The following TBCEL variants were observed in gnomAD, a reference collection of about 807,000 sequenced individuals.
The protein encoded by TBCEL is tubulin folding cofactor E like.
A neutral mutation model predicts 44.2 loss-of-function variants in TBCEL; 15 were observed. The observed-to-expected ratio is 0.34, with a 90% CI of 0.23 to 0.52. The LOEUF (loss-of-function observed/expected upper bound fraction) is 0.52, where lower values mean the gene tolerates loss of function less well. TBCEL is among the 20% of genes least tolerant of loss of function. The pLI is 0.95. For missense variants in TBCEL, 319 were observed against 506.3 expected, an observed-to-expected ratio of 0.63 and a Z score of 3.55; for synonymous variants, 171 against 185.4, an observed-to-expected ratio of 0.92 and a Z score of 0.63.
chr11:121,083,370 C>T (rs569244624), intron 8 of TBCEL, among the ~76,000 whole-genome samples: 1 of 152,164 alleles, frequency 6.6e-6, no homozygotes, highest in South Asian at 2.1e-4. Context: ...AATGACTGTT[C>T]ACTTTCTGGC....
intron 8 of TBCEL, among the ~76,000 whole-genome samples, chr11:121,073,999 G>C (rs1411682219): frequency 6.6e-6 from 1 of 151,792 alleles, no homozygotes; most frequent in Non-Finnish European, 1.5e-5. Flanking sequence ...TGTAAAATTG[G>C]TCTGTAATTT....
intron 8 of TBCEL, among the ~76,000 whole-genome samples, chr11:121,072,191 G>T (rs1320728796): frequency 6.6e-6 from 1 of 152,100 alleles, no homozygotes; most frequent in Non-Finnish European, 1.5e-5. Flanking sequence ...ATCTTGATTG[G>T]AGTCATATAC....
chr11:121,045,174 C>T (rs1945407430), intron 2 of TBCEL, among the ~76,000 whole-genome samples: 1 of 152,062 alleles, frequency 6.6e-6, no homozygotes, highest in Non-Finnish European at 1.5e-5. Context: ...GTTTCTAGCC[C>T]ATGAGCTAGA....
intron 1 of TBCEL, among the ~76,000 whole-genome samples, chr11:121,028,438 C>T (rs1027302408): frequency 1.3e-5 from 2 of 152,132 alleles, no homozygotes; most frequent in African/African-American, 4.8e-5. Context: ...TGAGCAATAT[C>T]ATAATTCAGC....
intron 8 of TBCEL, among the ~76,000 whole-genome samples, chr11:121,070,580 A>C (rs529328453): frequency 6.6e-6 from 1 of 152,230 alleles, no homozygotes; most frequent in South Asian, 2.1e-4. Flanking sequence ...GGAAACCATC[A>C]TTCTTAGCAA....
intron 7 of TBCEL, among the ~76,000 whole-genome samples, chr11:121,058,947 G>C (rs192077470): frequency 7.2e-5 from 11 of 152,020 alleles, no homozygotes; most frequent in African/African-American, 2.4e-4. Context: ...ATTATCTTCT[G>C]TCTGACTCCC....
At position 121,063,244 on chromosome 11, in the gene TBCEL, G is replaced by C. The variant is rs77329922; in HGVS notation, c.956+3159G>C. On this transcript the variant is annotated intron_variant, in intron 8 of 8. Coordinates refer to ENST00000683345, the MANE Select transcript of TBCEL (RefSeq NM_001363644.2). Reference sequence around the variant, plus strand: ...TAAAATCTTGTTTCCTCTGATCTTGGGACTTTCACTCAAATAGGAACAATT... The same window carrying C: ...TAAAATCTTGTTTCCTCTGATCTTGCGACTTTCACTCAAATAGGAACAATT... Among the ~76,000 whole-genome samples, 788 of 151,794 alleles carry C rather than the reference G, an allele frequency of 5.2e-3. 5 individuals carry two copies. Among genetic ancestry groups the C allele is most frequent in the African/African-American group, 0.017 (724 of 41,412 alleles).
chr11:121,029,982 A>AC (rs1945115109), intron 1 of TBCEL, among the ~76,000 whole-genome samples: 3 of 152,168 alleles, frequency 2.0e-5, no homozygotes, highest in Admixed American at 2.0e-4. Context: ...CAAACACTGA[A>AC]CTAACGGATT....
intron 2 of TBCEL, among the ~76,000 whole-genome samples, chr11:121,044,693 C>T (rs192224460): frequency 1.3e-5 from 2 of 152,178 alleles, no homozygotes; most frequent in African/African-American, 4.8e-5. Context: ...TAGAAGTTAG[C>T]GTGTTGTTTA....
intron 2 of TBCEL, 61 bp from the exon 3 acceptor site, chr11:121,045,613 A>G: frequency 7.2e-7 from 1 of 1,392,394 alleles, no homozygotes; most frequent in Non-Finnish European, 9.7e-7. Context: ...TTTTCAATAA[A>G]TACTTCTTAT....
chr11:121,045,902 A>C (rs544545063), intron 3 of TBCEL, 79 bp downstream of exon 3: 1 of 1,367,528 alleles, frequency 7.3e-7, no homozygotes, highest in African/African-American at 1.5e-5. Context: ...CTTGTTTGCA[A>C]ATGATTTATT....
At chr11:121,024,474 A>T (rs1258794428) in intron 1 of TBCEL, among the ~76,000 whole-genome samples, 183 bp downstream of exon 1, 1 of 124,100 alleles carries the variant, frequency 8.1e-6, no homozygotes, top group Non-Finnish European at 1.7e-5. Flanking sequence ...CTGGGGCTAG[A>T]GGGAGGATGG....
chr11:121,065,702 G>A (rs927815728), intron 8 of TBCEL, among the ~76,000 whole-genome samples: 4 of 152,178 alleles, frequency 2.6e-5, no homozygotes, highest in Non-Finnish European at 5.9e-5. Context: ...TGTATCCTTA[G>A]AATAGCAGAT....
intron 8 of TBCEL, among the ~76,000 whole-genome samples, chr11:121,084,930 G>C (rs1381714838): frequency 6.6e-6 from 1 of 151,574 alleles, no homozygotes; most frequent in African/African-American, 2.4e-5. Flanking sequence ...TGTTTGTTTT[G>C]CTTTGTTTTG....
intron 8 of TBCEL, among the ~76,000 whole-genome samples, chr11:121,064,356 G>C (rs1045007111): frequency 3.9e-5 from 6 of 152,188 alleles, no homozygotes; most frequent in Non-Finnish European, 7.4e-5. Flanking sequence ...CCAGTTTTTA[G>C]TGGTGGCAAT....
chr11:121,084,301 T>A (rs932866839), intron 8 of TBCEL, among the ~76,000 whole-genome samples: 1 of 152,216 alleles, frequency 6.6e-6, no homozygotes, highest in African/African-American at 2.4e-5. Context: ...TCAGTTTGTT[T>A]CTTTAGCTCT....
intron 8 of TBCEL, among the ~76,000 whole-genome samples, chr11:121,066,192 A>G (rs183910351): frequency 3.9e-5 from 6 of 152,354 alleles, no homozygotes; most frequent in Admixed American, 3.9e-4. Context: ...TACAGTCATT[A>G]GTAAGTTGCT....
intron 8 of TBCEL, among the ~76,000 whole-genome samples, chr11:121,067,441 T>G (rs916457592): frequency 6.6e-6 from 1 of 152,246 alleles, no homozygotes; most frequent in Non-Finnish European, 1.5e-5. Context: ...TTCTGATAGG[T>G]AGAGCTGGAA....
intron 2 of TBCEL, among the ~76,000 whole-genome samples, chr11:121,037,378 AG>A (rs2134895089): frequency 6.6e-6 from 1 of 152,354 alleles, no homozygotes; most frequent in South Asian, 2.1e-4. Flanking sequence ...GCATCCACTT[AG>A]CTATATTACA....
Sources: allele counts gnomAD v4.1 joint callset (sites outside exome capture counted in the v4.1 genomes callset), GRCh38; gene constraint gnomAD v4.1.1; transcripts MANE v1.5; gene names NCBI Gene and HGNC (gene_info 2026-07-23, HGNC 2026-07-21).